CCDC85A: variants seen among roughly 807,000 people sequenced by gnomAD.
CCDC85A encodes the protein coiled-coil domain containing 85A.
CCDC85A carries 38 observed loss-of-function variants against 50.2 expected under a neutral mutation model. The ratio of observed to expected loss-of-function variants is 0.76; its 90% CI spans 0.58 to 0.99. The LOEUF (loss-of-function observed/expected upper bound fraction) is 0.99. Ranked by LOEUF, CCDC85A falls within the 50% of genes least tolerant of loss-of-function variation. The pLI, the probability that CCDC85A is intolerant of heterozygous loss-of-function variation, is 0.00. For missense variants in CCDC85A, 820 were observed against 742.0 expected (o/e 1.11, Z -1.22); for synonymous variants, 366 against 301.4 (o/e 1.21, Z -2.22).
At chr2:56,240,463 T>C (rs1161628283) in intron 2 of CCDC85A, among the ~76,000 whole-genome samples, 2 of 152,162 alleles carry the variant, frequency 1.3e-5, no homozygotes, top group Non-Finnish European at 2.9e-5. Context: ...GTGCTTTCAT[T>C]ATTTCATTTT....
At chr2:56,312,292 C>A (rs543874727) in intron 2 of CCDC85A, among the ~76,000 whole-genome samples, 11 of 152,068 alleles carry the variant, frequency 7.2e-5, no homozygotes, top group African/African-American at 2.7e-4. Flanking sequence ...AAAATGTGAC[C>A]TAAATTAGAA....
At position 56,281,868 on chromosome 2, in the gene CCDC85A, T is replaced by C. The variant is rs529684558; in HGVS notation, c.1241-61011T>C. On this transcript the variant is annotated intron_variant, in intron 2 of 5. Coordinates refer to ENST00000407595, the MANE Select transcript of CCDC85A (RefSeq NM_001080433.2). ...TAATAGTGAATAAGAATGTTTTCTC[T>C]CAATCTGTAGCTTGACCTGTCATTT... is the stretch of plus-strand genomic sequence containing the variant. Among the ~76,000 whole-genome samples, 19 of 152,350 alleles carry C rather than the reference T, an allele frequency of 1.2e-4. No homozygotes were observed. In the South Asian group the frequency reaches 3.9e-3, roughly 32 times the overall value.
At chr2:56,358,699 T>C (rs1408618953) in intron 3 of CCDC85A, among the ~76,000 whole-genome samples, 1 of 152,236 alleles carries the variant, frequency 6.6e-6, no homozygotes, top group Non-Finnish European at 1.5e-5. Flanking sequence ...GATTTAACTC[T>C]GGCAGTAGTT....
At chr2:56,217,334 A>G (rs1386541521) in intron 2 of CCDC85A, among the ~76,000 whole-genome samples, 1 of 151,790 alleles carries the variant, frequency 6.6e-6, no homozygotes, top group Non-Finnish European at 1.5e-5. Flanking sequence ...AGGAACAGCT[A>G]TTTCCTCTGA....
At chr2:56,351,790 C>A (rs918129408) in intron 3 of CCDC85A, among the ~76,000 whole-genome samples, 1 of 151,466 alleles carries the variant, frequency 6.6e-6, no homozygotes, top group Non-Finnish European at 1.5e-5. Flanking sequence ...AATTTTCTCC[C>A]ATTTTGTAGG....
chr2:56,262,805 C>A (rs1042558860), intron 2 of CCDC85A, among the ~76,000 whole-genome samples: 8 of 152,122 alleles, frequency 5.3e-5, no homozygotes, highest in African/African-American at 1.9e-4. Context: ...CATATGATGC[C>A]AGCACAGCAG....
intron 2 of CCDC85A, among the ~76,000 whole-genome samples, chr2:56,324,930 A>G (rs1048224634): frequency 6.6e-6 from 1 of 151,992 alleles, no homozygotes; most frequent in Admixed American, 6.6e-5. Flanking sequence ...TTCACTTTTT[A>G]TTGTTATTTT....
chr2:56,268,320 G>A (rs1439885197), intron 2 of CCDC85A, among the ~76,000 whole-genome samples: 1 of 152,046 alleles, frequency 6.6e-6, no homozygotes, highest in African/African-American at 2.4e-5. Context: ...ATGACAGGCC[G>A]GGCACAGTGG....
chr2:56,279,628 TGAG>T (rs1302661852), intron 2 of CCDC85A, among the ~76,000 whole-genome samples: 13 of 152,178 alleles, frequency 8.5e-5, no homozygotes, highest in Non-Finnish European at 1.6e-4. Context: ...TGTTCTTCTA[TGAG>T]ATCAACTTTT....
At chr2:56,375,119 A>G (rs1015999412) in intron 4 of CCDC85A, among the ~76,000 whole-genome samples, 1 of 152,180 alleles carries the variant, frequency 6.6e-6, no homozygotes, top group Non-Finnish European at 1.5e-5. Context: ...CTTTAGAAAA[A>G]GTACAGATCC....
intron 2 of CCDC85A, among the ~76,000 whole-genome samples, chr2:56,328,329 T>C (rs188979433): frequency 9.2e-5 from 14 of 152,200 alleles, no homozygotes. Flanking sequence ...CTTTGTCTAT[T>C]GAGGGAGGCT....
chr2:56,232,524 A>T (rs183605002), intron 2 of CCDC85A, among the ~76,000 whole-genome samples: 1 of 152,174 alleles, frequency 6.6e-6, no homozygotes, highest in Non-Finnish European at 1.5e-5. Flanking sequence ...GCCTCACCAG[A>T]TCTGATGGTT....
At position 56,184,091 on chromosome 2, in the gene CCDC85A, G is replaced by T; in HGVS notation, c.-534G>T. On this transcript the variant is annotated 5_prime_UTR_variant, in exon 1 of 6. Coordinates refer to ENST00000407595, the MANE Select transcript of CCDC85A (RefSeq NM_001080433.2). ...GGAGGAGCGCAGCAGCCTTCGGGCAGCCGCGGCGGCGTCGCTAGAGCAGCC... is the reference window on the plus strand; with the variant it reads ...GGAGGAGCGCAGCAGCCTTCGGGCATCCGCGGCGGCGTCGCTAGAGCAGCC... The T allele has an allele frequency of 1.1e-5, 11 of 985,444 alleles. No individual in the cohort carries two copies. Among genetic ancestry groups the T allele is most frequent in the Non-Finnish European group, 1.3e-5 (11 of 830,050 alleles). 61.0% of individuals were successfully genotyped at this position (985,444 alleles called of 1,614,324 possible). A position where few individuals can be genotyped will look rare whatever the true frequency, so the allele number is the denominator to read the frequency against.
chr2:56,221,257 CT>C (rs1378293904), intron 2 of CCDC85A, among the ~76,000 whole-genome samples: 2 of 151,966 alleles, frequency 1.3e-5, no homozygotes, highest in African/African-American at 4.8e-5. Flanking sequence ...GCATTTTGGT[CT>C]CATCATGAAG....
chr2:56,340,931 C>T (rs946259251), intron 2 of CCDC85A, among the ~76,000 whole-genome samples: 5 of 135,404 alleles, frequency 3.7e-5, no homozygotes, highest in African/African-American at 1.4e-4. Flanking sequence ...AAGTAAAGTA[C>T]ATTTGGAAGA....
intron 2 of CCDC85A, among the ~76,000 whole-genome samples, chr2:56,317,177 C>T (rs1466842439): frequency 6.6e-6 from 1 of 152,092 alleles, no homozygotes; most frequent in Admixed American, 6.6e-5. Context: ...GACTTGAAGG[C>T]ACCAATTATT....
intron 2 of CCDC85A, among the ~76,000 whole-genome samples, chr2:56,282,352 T>G (rs1671243949): frequency 6.6e-6 from 1 of 152,198 alleles, no homozygotes; most frequent in African/African-American, 2.4e-5. Flanking sequence ...CCTCTACATT[T>G]TTGTTGTTGT....
intron 2 of CCDC85A, among the ~76,000 whole-genome samples, chr2:56,224,432 A>G (rs6736838): frequency 0.35 from 52,569 of 152,020 alleles, 9,200 homozygotes; most frequent in Middle Eastern, 0.42. Context: ...ATGAACACTT[A>G]TATACAAATG....
Position 56,184,596 on chromosome 2 carries a change from C to A in CCDC85A, c.-29C>A. 3.6e-6 allele frequency: 5 copies of A among 1,388,622 alleles called. No individual in the cohort carries two copies. The highest frequency in any genetic ancestry group is 4.6e-6 in the Non-Finnish European group (5 of 1,084,498). 86.0% of individuals were successfully genotyped at this position (1,388,622 alleles called of 1,614,324 possible). ...TCGGGAGTCGCCTCGCCTCTTCCAC[C>A]CACTTGCACCTGCCACCCCGCGGAT... On this transcript the variant is annotated 5_prime_UTR_variant, in exon 1 of 6. Transcript: ENST00000407595.
Sources: gnomAD v4.1 joint callset for allele counts (sites outside exome capture counted in the v4.1 genomes callset) on GRCh38, gnomAD v4.1.1 for gene constraint, MANE v1.5 for transcripts, NCBI Gene and HGNC (gene_info 2026-07-23, HGNC 2026-07-21) for gene names.